CLASP1: variants seen among roughly 807,000 people sequenced by gnomAD.
CLASP1 encodes the protein cytoplasmic linker associated protein 1.
CLASP1 carries 38 observed loss-of-function variants against 192.3 expected under a neutral mutation model. The observed-to-expected ratio is 0.20, with a 90% CI of 0.15 to 0.26. The LOEUF (loss-of-function observed/expected upper bound fraction) is 0.26. CLASP1 is among the 10% of genes least tolerant of loss of function. CLASP1 has a pLI of 1.00. For missense variants in CLASP1, 1,433 were observed against 1,932.5 expected (o/e 0.74, Z 4.85); for synonymous variants, 691 against 712.8 (o/e 0.97, Z 0.49).
At chr2:121,590,500 G>A (rs1033243270) in intron 2 of CLASP1, among the ~76,000 whole-genome samples, 7 of 152,172 alleles carry the variant, frequency 4.6e-5, no homozygotes, top group Non-Finnish European at 8.8e-5. Flanking sequence ...ATGTTAAACA[G>A]CTGACAAAAT....
chr2:121,517,482 G>A (rs12614801), intron 6 of CLASP1, among the ~76,000 whole-genome samples: 37,929 of 152,042 alleles, frequency 0.25, 7,512 homozygotes, highest in African/African-American at 0.55. Flanking sequence ...ACCTCATGCT[G>A]TGGACTGAAC....
intron 8 of CLASP1, among the ~76,000 whole-genome samples, chr2:121,501,536 C>T (rs779281439): frequency 2.6e-5 from 4 of 151,906 alleles, no homozygotes; most frequent in Non-Finnish European, 4.4e-5. Context: ...GAAAATATAG[C>T]GAAAATGATT....
intron 2 of CLASP1, among the ~76,000 whole-genome samples, chr2:121,594,683 G>T (rs1020677161): frequency 6.6e-6 from 1 of 152,050 alleles, no homozygotes; most frequent in Admixed American, 6.5e-5. Flanking sequence ...GAGCCACTGC[G>T]CCCGGCCAGT....
At chr2:121,587,118 G>A (rs547768844) in intron 2 of CLASP1, among the ~76,000 whole-genome samples, 1 of 152,186 alleles carries the variant, frequency 6.6e-6, no homozygotes, top group Non-Finnish European at 1.5e-5. Context: ...GTGCGAGCCT[G>A]TAGTCCCAGC....
Position 121,342,628 on chromosome 2 carries a change from TAAAC to T in CLASP1, c.4531-1685_4531-1682del, listed in dbSNP as rs748302583. On this transcript the variant is annotated intron_variant, in intron 39 of 39. Coordinates refer to ENST00000263710, the Ensembl canonical transcript of CLASP1. ...AAAACAATAAAGATTAGAGCAGAGA[TAAAC>T]AAAATAGAGAACAGAAAAATAGAGA... 4.6e-5 allele frequency among the ~76,000 whole-genome samples: 7 copies of T among 152,006 alleles called. No homozygotes were observed. In the South Asian group the frequency reaches 6.2e-4, roughly 14 times the overall value.
At chr2:121,505,559 T>C (rs2093919076) in intron 7 of CLASP1, among the ~76,000 whole-genome samples, 1 of 152,186 alleles carries the variant, frequency 6.6e-6, no homozygotes, top group South Asian at 2.1e-4. Context: ...GTTTGCTAGC[T>C]CTGAGCACAA....
chr2:121,343,579 G>A (rs769131065), intron 39 of CLASP1, among the ~76,000 whole-genome samples: 4 of 152,176 alleles, frequency 2.6e-5, no homozygotes, highest in African/African-American at 4.8e-5. Flanking sequence ...GGACACATAC[G>A]ATGTAATTCC....
intron 28 of CLASP1, among the ~76,000 whole-genome samples, chr2:121,400,244 C>A (rs1189704948): frequency 6.6e-6 from 1 of 152,060 alleles, no homozygotes; most frequent in Non-Finnish European, 1.5e-5. Flanking sequence ...TATGGCCTCA[C>A]CGACAGATGC....
exon 40 of CLASP1, chr2:121,340,099 T>C (rs1461871788): frequency 6.6e-6 from 1 of 152,226 alleles, no homozygotes; most frequent in African/African-American, 2.4e-5. Flanking sequence ...CCCTAAATGA[T>C]GCCATACATT....
At chr2:121,510,239 CAG>C (rs953048187) in intron 7 of CLASP1, among the ~76,000 whole-genome samples, 1 of 151,906 alleles carries the variant, frequency 6.6e-6, no homozygotes, top group Non-Finnish European at 1.5e-5. Flanking sequence ...ACAGGGAAAA[CAG>C]AAAAATCAAT....
chr2:121,635,315 G>A (rs1490861705), intron 1 of CLASP1, among the ~76,000 whole-genome samples: 2 of 152,074 alleles, frequency 1.3e-5, no homozygotes, highest in Non-Finnish European at 2.9e-5. Context: ...TGGCCTCTCT[G>A]ATGTTGTTAT....
chr2:121,556,291 A>G (rs2058566070), intron 2 of CLASP1, among the ~76,000 whole-genome samples: 1 of 152,080 alleles, frequency 6.6e-6, no homozygotes, highest in East Asian at 1.9e-4. Flanking sequence ...CAGCCACAGA[A>G]TGTCCTTTTG....
intron 8 of CLASP1, among the ~76,000 whole-genome samples, chr2:121,478,243 A>G (rs1299851764): frequency 3.9e-5 from 6 of 152,176 alleles, no homozygotes; most frequent in Non-Finnish European, 8.8e-5. Flanking sequence ...TAAACACAGT[A>G]AAACGCTTTC....
intron 1 of CLASP1, among the ~76,000 whole-genome samples, chr2:121,622,809 C>T (rs2067611205): frequency 6.6e-6 from 1 of 152,126 alleles, no homozygotes; most frequent in South Asian, 2.1e-4. Flanking sequence ...AAGATCATAC[C>T]ATCTGCAAAT....
intron 24 of CLASP1, among the ~76,000 whole-genome samples, chr2:121,408,770 A>C (rs1559075729): frequency 6.6e-6 from 1 of 152,236 alleles, no homozygotes; most frequent in Non-Finnish European, 1.5e-5. Context: ...CTGAGTTAAT[A>C]AAATGAAACA....
chr2:121,629,055 T>C (rs1307730883), intron 1 of CLASP1, among the ~76,000 whole-genome samples: 1 of 151,942 alleles, frequency 6.6e-6, no homozygotes, highest in Non-Finnish European at 1.5e-5. Context: ...TTACAGTACA[T>C]CCGTACAACA....
intron 32 of CLASP1, among the ~76,000 whole-genome samples, chr2:121,382,705 T>C (rs1401605217): frequency 2.0e-5 from 3 of 152,214 alleles, no homozygotes; most frequent in East Asian, 1.9e-4. Context: ...CACTTTCAGT[T>C]AACTCATCAG....
At chr2:121,512,222 A>G (rs953745998) in intron 7 of CLASP1, among the ~76,000 whole-genome samples, 3 of 152,248 alleles carry the variant, frequency 2.0e-5, no homozygotes, top group Non-Finnish European at 4.4e-5. Flanking sequence ...GAAATTTAAC[A>G]TAAGTGACCT....
chr2:121,439,385 G>A (rs1226355903), intron 19 of CLASP1, among the ~76,000 whole-genome samples: 1 of 151,970 alleles, frequency 6.6e-6, no homozygotes, highest in Non-Finnish European at 1.5e-5. Flanking sequence ...GAATGTGTTT[G>A]CTCTTGCTTT....
Sources: allele counts gnomAD v4.1 joint callset (sites outside exome capture counted in the v4.1 genomes callset), GRCh38; gene constraint gnomAD v4.1.1; transcripts MANE v1.5; gene names NCBI Gene and HGNC (gene_info 2026-07-23, HGNC 2026-07-21).